The following RREB1 variants were observed in gnomAD, a reference collection of about 807,000 sequenced individuals.
RREB1 encodes the protein ras-responsive element-binding protein 1.
Under a neutral mutation model 117.8 loss-of-function variants are expected in RREB1, and 27 were observed. The ratio of observed to expected loss-of-function variants is 0.23; its 90% CI spans 0.17 to 0.32. The LOEUF is 0.32. Among genes scored for constraint, RREB1 ranks in the 10% least tolerant of loss-of-function variants. RREB1 has a pLI of 1.00. For synonymous variants in RREB1, 1,298 were observed against 1,026.7 expected, an observed-to-expected ratio of 1.26 and a Z score of -5.05; for missense variants, 2,577 against 2,378.2, an observed-to-expected ratio of 1.08 and a Z score of -1.74.
chr6:7,211,989 T>C, intron 8 of RREB1: 1 of 420,376 alleles, frequency 2.4e-6, no homozygotes, highest in Non-Finnish European at 4.3e-6. Context: ...CTGGGGAGTC[T>C]GCTATCATGG....
chr6:7,141,081 G>C (rs907899950), intron 1 of RREB1, among the ~76,000 whole-genome samples: 1 of 152,222 alleles, frequency 6.6e-6, no homozygotes, highest in Non-Finnish European at 1.5e-5. Flanking sequence ...CCTCAGGCTG[G>C]GACCGGGCAG....
intron 1 of RREB1, among the ~76,000 whole-genome samples, chr6:7,117,818 C>T (rs557604241): frequency 2.0e-5 from 3 of 152,148 alleles, no homozygotes; most frequent in South Asian, 2.1e-4. Flanking sequence ...ATGGAGCAGT[C>T]CTCCTACCTC....
intron 4 of RREB1, among the ~76,000 whole-genome samples, chr6:7,186,171 C>T (rs1056443720): frequency 3.3e-5 from 5 of 152,204 alleles, no homozygotes; most frequent in Non-Finnish European, 5.9e-5. Flanking sequence ...CCCTCCATCC[C>T]GTTGGGTTAA....
chr6:7,133,873 C>A (rs942051819), intron 1 of RREB1, among the ~76,000 whole-genome samples: 1 of 152,054 alleles, frequency 6.6e-6, no homozygotes, highest in Non-Finnish European at 1.5e-5. Context: ...TGGATATATA[C>A]ACATATTACA....
At chr6:7,207,380 G>C (rs973063390) in intron 6 of RREB1, among the ~76,000 whole-genome samples, 2 of 152,134 alleles carry the variant, frequency 1.3e-5, no homozygotes, top group Non-Finnish European at 2.9e-5. Context: ...CACCAACACC[G>C]CATATTGTTA....
At chr6:7,204,854 A>T (rs141706167) in intron 6 of RREB1, among the ~76,000 whole-genome samples, 132 of 152,346 alleles carry the variant, frequency 8.7e-4, no homozygotes, top group African/African-American at 3.0e-3. Context: ...AGAATGTCTG[A>T]GACCTGCTCT....
At chr6:7,161,243 C>T (rs1763646362) in intron 1 of RREB1, among the ~76,000 whole-genome samples, 1 of 152,086 alleles carries the variant, frequency 6.6e-6, no homozygotes, top group African/African-American at 2.4e-5. Context: ...ACACGTCCCT[C>T]TATTGTTGGT....
At position 7,247,151 on chromosome 6, in the gene RREB1, G is replaced by C; in HGVS notation, c.4701G>C (p.Lys1567Asn). 1 of 1,613,922 alleles carries C rather than the reference G, an allele frequency of 6.2e-7. No homozygotes were observed. The highest frequency in any genetic ancestry group is 1.1e-5 in the South Asian group (1 of 91,090). Reference sequence around the variant, plus strand: ...CCAGCAAGGCAGACAAGAGGAAGAAGGTCTGCAGCGTGTGCAACAAGCGGT... The same window carrying C: ...CCAGCAAGGCAGACAAGAGGAAGAACGTCTGCAGCGTGTGCAACAAGCGGT... ...SVASKADKRK[K>N]VCSVCNKRFW... Residue 1567 changes from lysine (K) to asparagine (N), a missense_variant, in exon 12 of 13, where the codon AAG becomes AAC. Transcript: ENST00000379938.
chr6:7,108,219 AC>A (rs2113257891), intron 1 of RREB1, among the ~76,000 whole-genome samples, 159 bp downstream of exon 1: 1 of 151,524 alleles, frequency 6.6e-6, no homozygotes, highest in South Asian at 2.1e-4. Context: ...GGAGCCGGGG[AC>A]CCGCACGCCC....
chr6:7,170,264 G>C (rs1049946070), intron 1 of RREB1, among the ~76,000 whole-genome samples: 3 of 152,204 alleles, frequency 2.0e-5, no homozygotes, highest in Non-Finnish European at 2.9e-5. Context: ...GTCCCATTAA[G>C]AGATAAACTG....
chr6:7,154,068 CA>C (rs1763250227), intron 1 of RREB1, among the ~76,000 whole-genome samples: 1 of 152,202 alleles, frequency 6.6e-6, no homozygotes, highest in African/African-American at 2.4e-5. Context: ...ATACGGTTGC[CA>C]GGAAATATGG....
At chr6:7,123,404 C>T (rs890059139) in intron 1 of RREB1, among the ~76,000 whole-genome samples, 4 of 152,016 alleles carry the variant, frequency 2.6e-5, no homozygotes, top group Non-Finnish European at 5.9e-5. Context: ...TCAGGCAGTC[C>T]GCCCGTCTCA....
At chr6:7,138,130 A>G (rs1762421336) in intron 1 of RREB1, among the ~76,000 whole-genome samples, 1 of 152,186 alleles carries the variant, frequency 6.6e-6, no homozygotes, top group South Asian at 2.1e-4. Context: ...TAAATCTTTC[A>G]GAAAAAAAGA....
rs138792314 is a variant in RREB1, at chr6:7,163,456, A to G, written c.-284-13199A>G. On this transcript the variant is annotated intron_variant, in intron 1 of 12. Transcript: ENST00000379938. Reference sequence around the variant, plus strand: ...GCCCAGGCTGGAGTGCAATGGTGCTATCTTGGCTCACTGCAAGCTCTACCT... The same window carrying G: ...GCCCAGGCTGGAGTGCAATGGTGCTGTCTTGGCTCACTGCAAGCTCTACCT... Among the ~76,000 whole-genome samples the G allele has an allele frequency of 1.4e-4, 22 of 152,200 alleles. No individual in the cohort carries two copies. In the East Asian group the frequency reaches 4.1e-3, roughly 28 times the overall value.
At chr6:7,159,591 T>C (rs1364371309) in intron 1 of RREB1, among the ~76,000 whole-genome samples, 4 of 152,196 alleles carry the variant, frequency 2.6e-5, no homozygotes, top group Non-Finnish European at 5.9e-5. Context: ...GAGTGAAATA[T>C]CAAAACGCTG....
chr6:7,128,741 G>T (rs1422007635), intron 1 of RREB1, among the ~76,000 whole-genome samples: 1 of 152,108 alleles, frequency 6.6e-6, no homozygotes, highest in Non-Finnish European at 1.5e-5. Flanking sequence ...GGCCAAGGCG[G>T]GCAGATCACC....
intron 2 of RREB1, among the ~76,000 whole-genome samples, chr6:7,177,656 C>A (rs1764571570): frequency 6.6e-6 from 1 of 152,124 alleles, no homozygotes; most frequent in Admixed American, 6.6e-5. Context: ...CACTCAGCCT[C>A]CCAAGTATCT....
At chr6:7,201,633 C>T (rs1294217138) in intron 6 of RREB1, among the ~76,000 whole-genome samples, 1 of 152,006 alleles carries the variant, frequency 6.6e-6, no homozygotes, top group Non-Finnish European at 1.5e-5. Context: ...TCCTCAGCTT[C>T]TCTTGGGGCT....
intron 8 of RREB1, among the ~76,000 whole-genome samples, chr6:7,220,235 G>A (rs1767165594): frequency 6.6e-6 from 1 of 152,220 alleles, no homozygotes; most frequent in African/African-American, 2.4e-5. Context: ...TAGAATGCAG[G>A]TGTTTTCTGG....
Sources: allele counts gnomAD v4.1 joint callset (sites outside exome capture counted in the v4.1 genomes callset), GRCh38; gene constraint gnomAD v4.1.1; transcripts MANE v1.5; gene names NCBI Gene and HGNC (gene_info 2026-07-23, HGNC 2026-07-21).